The following STARD13 variants were observed in gnomAD, a reference collection of about 807,000 sequenced individuals.
STARD13 encodes StAR related lipid transfer domain containing 13, also known as stAR-related lipid transfer protein 13.
Under a neutral mutation model 106.4 loss-of-function variants are expected in STARD13, and 62 were observed. That is an observed-to-expected ratio of 0.58 (90% confidence interval 0.48 to 0.72). The LOEUF (loss-of-function observed/expected upper bound fraction) is 0.72, where lower values mean the gene tolerates loss of function less well. Ranked by LOEUF, STARD13 falls within the 30% of genes least tolerant of loss-of-function variation. The pLI, the probability that STARD13 is intolerant of heterozygous loss-of-function variation, is 0.00. For missense variants in STARD13, 1,387 were observed against 1,424.0 expected (o/e 0.97, Z 0.42); for synonymous variants, 565 against 553.0 (o/e 1.02, Z -0.31).
chr13:33,672,018 T>C, the STARD13 span, among the ~76,000 whole-genome samples: 753 of 152,318 alleles, frequency 4.9e-3, 5 homozygotes, highest in African/African-American at 0.017. Flanking sequence ...CATTACTGGG[T>C]ATATACCCAA....
the STARD13 span, among the ~76,000 whole-genome samples, chr13:33,434,088 C>CA: frequency 6.6e-6 from 1 of 152,254 alleles, no homozygotes; most frequent in South Asian, 2.1e-4. Context: ...CGCTGTGGCT[C>CA]ACGCCTGTAA....
intron 1 of STARD13, among the ~76,000 whole-genome samples, chr13:33,239,056 G>A (rs1889337836): frequency 6.6e-6 from 1 of 151,426 alleles, no homozygotes; most frequent in African/African-American, 2.4e-5. Context: ...GCCACTGACA[G>A]TCATCATTCT....
intron 4 of STARD13, among the ~76,000 whole-genome samples, chr13:33,136,675 C>G (rs1281156813): frequency 6.6e-6 from 1 of 152,208 alleles, no homozygotes; most frequent in African/African-American, 2.4e-5. Flanking sequence ...CCAGACCCAG[C>G]CACACTAGGG....
the STARD13 span, among the ~76,000 whole-genome samples, chr13:33,426,172 C>T: frequency 4.6e-5 from 7 of 152,080 alleles, no homozygotes; most frequent in East Asian, 3.8e-4. Flanking sequence ...TGAGACTAAC[C>T]GTATACACTG....
At chr13:33,381,523 T>G in the STARD13 span, among the ~76,000 whole-genome samples, 3 of 152,134 alleles carry the variant, frequency 2.0e-5, no homozygotes, top group Non-Finnish European at 4.4e-5. Flanking sequence ...GCTGACCATT[T>G]GAGGTCAGGA....
chr13:33,146,998 T>C (rs769601364), intron 3 of STARD13, among the ~76,000 whole-genome samples: 1 of 152,230 alleles, frequency 6.6e-6, no homozygotes, highest in Non-Finnish European at 1.5e-5. Flanking sequence ...ATTGTCATTA[T>C]CTGAGCTGTC....
chr13:33,453,286 C>T, the STARD13 span, among the ~76,000 whole-genome samples: 5 of 152,198 alleles, frequency 3.3e-5, no homozygotes, highest in African/African-American at 1.2e-4. Context: ...GCCTCTTGGT[C>T]CCTGGCTTGT....
intron 1 of STARD13, among the ~76,000 whole-genome samples, chr13:33,267,800 C>T (rs1463075372): frequency 6.6e-6 from 1 of 152,164 alleles, no homozygotes; most frequent in East Asian, 1.9e-4. Context: ...GGGATTCTGG[C>T]CATGGAAGAT....
At position 33,130,743 on chromosome 13, in the gene STARD13, G is replaced by T. The variant is rs950913223; in HGVS notation, c.388-454C>A. ...GCCCCGGGGACCATATTTCCAGCTT[G>T]CCCCATCTGAATCTCAGCTTCAGTA... On this transcript the variant is annotated intron_variant, in intron 4 of 13. Coordinates refer to ENST00000336934, the MANE Select transcript of STARD13 (RefSeq NM_178006.4). The surrounding 1 kb of genome is among the most constrained non-coding windows in gnomAD (Gnocchi z 4.1). 6.6e-6 allele frequency among the ~76,000 whole-genome samples: 1 copy of T among 152,108 alleles called. No homozygotes were observed. Among genetic ancestry groups the T allele is most frequent in the Non-Finnish European group, 1.5e-5 (1 of 68,024 alleles).
chr13:33,405,298 CGTGCCCCTCT>C, the STARD13 span, among the ~76,000 whole-genome samples: 3 of 152,356 alleles, frequency 2.0e-5, no homozygotes, highest in East Asian at 5.8e-4. Flanking sequence ...CCACACTTCG[CGTGCCCCTCT>C]GTGCTGCTAA....
chr13:33,358,197 G>A, the STARD13 span, among the ~76,000 whole-genome samples: 28 of 152,346 alleles, frequency 1.8e-4, no homozygotes, highest in Non-Finnish European at 4.0e-4. Context: ...ATTTCTCGCC[G>A]GGCCTTAGCT....
At chr13:33,291,272 T>C (rs1199362473) in intron 1 of STARD13, among the ~76,000 whole-genome samples, 1 of 152,236 alleles carries the variant, frequency 6.6e-6, no homozygotes, top group East Asian at 1.9e-4. Flanking sequence ...CCACAAGCTG[T>C]CCTTCAGATG....
intron 1 of STARD13, among the ~76,000 whole-genome samples, chr13:33,181,101 C>G (rs962686571): frequency 6.6e-6 from 1 of 152,070 alleles, no homozygotes; most frequent in Non-Finnish European, 1.5e-5. Context: ...TGTGTGTTTA[C>G]TCTACCTCTA....
chr13:33,346,715 C>T (rs748328393), downstream of STARD13, among the ~76,000 whole-genome samples: 4 of 151,756 alleles, frequency 2.6e-5, no homozygotes, highest in Admixed American at 2.0e-4. Context: ...CTGCAACCTC[C>T]GCCTCCCAGG....
the STARD13 span, among the ~76,000 whole-genome samples, chr13:33,386,679 G>C: frequency 1.3e-5 from 2 of 152,094 alleles, no homozygotes; most frequent in Admixed American, 1.3e-4. Flanking sequence ...CCAAGGCAGA[G>C]CCTTTTTGCC....
At chr13:33,633,844 T>C in the STARD13 span, among the ~76,000 whole-genome samples, 25 of 152,198 alleles carry the variant, frequency 1.6e-4, no homozygotes, top group Non-Finnish European at 2.4e-4. Context: ...TGTTATTAAA[T>C]GAGTAGGCAC....
At chr13:33,640,749 G>A in the STARD13 span, among the ~76,000 whole-genome samples, 1 of 152,172 alleles carries the variant, frequency 6.6e-6, no homozygotes, top group African/African-American at 2.4e-5. Flanking sequence ...TCTCCTGGTT[G>A]GGACTGATCC....
upstream of STARD13, among the ~76,000 whole-genome samples, chr13:33,352,892 C>T (rs2078092230): frequency 6.6e-6 from 1 of 152,212 alleles, no homozygotes; most frequent in South Asian, 2.1e-4. Flanking sequence ...AGGTAGCATC[C>T]CCTGTGGGGC....
intron 1 of STARD13, among the ~76,000 whole-genome samples, chr13:33,191,980 G>T (rs951019758): frequency 6.6e-6 from 1 of 152,324 alleles, no homozygotes; most frequent in East Asian, 1.9e-4. Flanking sequence ...CAAATCAGCC[G>T]GGCAATCTGG....
Sources: gnomAD v4.1 joint callset for allele counts (sites outside exome capture counted in the v4.1 genomes callset) on GRCh38, gnomAD v4.1.1 for gene constraint, Gnocchi (gnomAD v3.1) non-coding constraint, MANE v1.5 for transcripts, NCBI Gene and HGNC (gene_info 2026-07-23, HGNC 2026-07-21) for gene names.